CDCP1: variants seen among roughly 807,000 people sequenced by gnomAD.
The protein encoded by CDCP1 is CUB domain-containing protein 1.
A neutral mutation model predicts 60.2 loss-of-function variants in CDCP1; 29 were observed. The observed-to-expected ratio is 0.48, with a 90% CI of 0.36 to 0.66. CDCP1 has a LOEUF of 0.66. Among genes scored for constraint, CDCP1 ranks in the 30% least tolerant of loss-of-function variants. The pLI is 0.00. For synonymous variants in CDCP1, 387 were observed against 431.1 expected, an observed-to-expected ratio of 0.90 and a Z score of 1.27; for missense variants, 876 against 1,074.3, an observed-to-expected ratio of 0.82 and a Z score of 2.58.
intron 1 of CDCP1, among the ~76,000 whole-genome samples, chr3:45,126,123 T>C (rs866747714): frequency 6.6e-5 from 8 of 122,130 alleles, no homozygotes; most frequent in African/African-American, 2.8e-4. Context: ...TCTTTCTTTC[T>C]TTCTTTCTTT....
At chr3:45,129,346 C>T (rs1270244189) in intron 1 of CDCP1, among the ~76,000 whole-genome samples, 3 of 152,138 alleles carry the variant, frequency 2.0e-5, no homozygotes, top group Non-Finnish European at 4.4e-5. Context: ...TGAATCACAC[C>T]GTATCGGTGA....
At chr3:45,116,170 C>T (rs1215163156) in intron 2 of CDCP1, among the ~76,000 whole-genome samples, 1 of 149,050 alleles carries the variant, frequency 6.7e-6, no homozygotes, top group Non-Finnish European at 1.5e-5. Context: ...AAGAAAATAA[C>T]CTTCCATTCC....
intron 1 of CDCP1, among the ~76,000 whole-genome samples, chr3:45,126,166 CTTT>C (rs1698991127): frequency 1.4e-5 from 2 of 144,410 alleles, no homozygotes; most frequent in South Asian, 4.5e-4. Flanking sequence ...TTCTTTCTTT[CTTT>C]CTTTCCTTCT....
chr3:45,086,655 C>T (rs774639883), intron 8 of CDCP1, among the ~76,000 whole-genome samples: 3 of 152,212 alleles, frequency 2.0e-5, no homozygotes, highest in Non-Finnish European at 4.4e-5. Flanking sequence ...CCCAGTGCCT[C>T]AGTAGTCACC....
intron 1 of CDCP1, among the ~76,000 whole-genome samples, chr3:45,135,330 C>T (rs1699175464): frequency 6.6e-6 from 1 of 151,616 alleles, no homozygotes; most frequent in South Asian, 2.1e-4. Context: ...GATGGTTCTT[C>T]CTGAAAGGGA....
At chr3:45,097,952 TC>T (rs1698429657) in intron 4 of CDCP1, among the ~76,000 whole-genome samples, 1 of 152,186 alleles carries the variant, frequency 6.6e-6, no homozygotes, top group South Asian at 2.1e-4. Flanking sequence ...AGCTTTTCAA[TC>T]ACCTGGCCCC....
intron 1 of CDCP1, among the ~76,000 whole-genome samples, chr3:45,132,100 G>T (rs996628622): frequency 6.6e-6 from 1 of 152,100 alleles, no homozygotes; most frequent in Admixed American, 6.6e-5. Context: ...AGCAGGCGTG[G>T]TGGCACATGC....
intron 4 of CDCP1, among the ~76,000 whole-genome samples, chr3:45,102,763 C>T (rs752781327): frequency 3.9e-5 from 6 of 152,114 alleles, no homozygotes; most frequent in African/African-American, 7.2e-5. Flanking sequence ...TGGCCTCAAG[C>T]GATTCTCCCA....
chr3:45,097,217 GA>G (rs1179407417), intron 4 of CDCP1, among the ~76,000 whole-genome samples: 4 of 151,688 alleles, frequency 2.6e-5, no homozygotes, highest in Middle Eastern at 3.4e-3. Context: ...TGAGGCACGA[GA>G]ATCGGTTGAA....
intron 1 of CDCP1, among the ~76,000 whole-genome samples, chr3:45,144,948 C>T (rs1429249979): frequency 1.3e-5 from 2 of 152,002 alleles, no homozygotes; most frequent in African/African-American, 4.8e-5. Context: ...AGCTCGAGAC[C>T]AGCCTGGGCA....
At chr3:45,125,658 C>G (rs1698965407) in intron 1 of CDCP1, among the ~76,000 whole-genome samples, 1 of 152,192 alleles carries the variant, frequency 6.6e-6, no homozygotes, top group South Asian at 2.1e-4. Context: ...ACTATAGCAG[C>G]AGTTTGGCTC....
In CDCP1 at chr3:45,118,445, T is replaced by A; in HGVS notation, c.259A>T (p.Asn87Tyr). Residue 87 changes from asparagine to tyrosine, a missense_variant, in exon 2 of 9, where the codon AAT (asparagine) becomes TAT (tyrosine). Transcript: ENST00000296129. ...TTCTGGATCTCTATGACAAAGTGAT[T>A]CTCAGGACTCTGGCAGCTAAAGGTA... ...VFTFSCQSPE[N>Y]HFVIEIQKNI... 6.2e-7 allele frequency: 1 copy of A among 1,614,084 alleles called. No individual in the cohort carries two copies. Among genetic ancestry groups the A allele is most frequent in the Non-Finnish European group, 8.5e-7 (1 of 1,179,936 alleles).
rs1389504816 is a variant in CDCP1, at chr3:45,091,734, T to C, written c.1628-196A>G. Among the ~76,000 whole-genome samples, 1 of 152,236 alleles carries C rather than the reference T, an allele frequency of 6.6e-6. No individual in the cohort carries two copies. Among genetic ancestry groups the C allele is most frequent in the African/African-American group, 2.4e-5 (1 of 41,464 alleles). ...GCTATATGTCTGCTGAGCCTTGAAA[T>C]GTGCCCAGCATGACCAAAGAACTGC... On this transcript the variant is annotated intron_variant, in intron 6 of 8. Coordinates refer to ENST00000296129, the MANE Select transcript of CDCP1 (RefSeq NM_022842.5). This position sits in a 1 kb window ranked among gnomAD's most constrained non-coding sequence, Gnocchi z 4.8.
chr3:45,108,106 C>A (rs1226059013), intron 4 of CDCP1, among the ~76,000 whole-genome samples: 1 of 150,762 alleles, frequency 6.6e-6, no homozygotes, highest in Non-Finnish European at 1.5e-5. Context: ...GCCTGGGTGA[C>A]AGAGCAAGAC....
rs149964224 is a variant in CDCP1, at chr3:45,139,050, C to T, written c.82+7156G>A. Among the ~76,000 whole-genome samples, 795 of 152,102 alleles carry T rather than the reference C, an allele frequency of 5.2e-3. 2 individuals are homozygous for T. Among genetic ancestry groups the T allele is most frequent in the Middle Eastern group, 0.01 (3 of 294 alleles). On this transcript the variant is annotated intron_variant, in intron 1 of 8. Transcript: ENST00000296129. ...AAGAAGCAAGGGCAGGGGGTTCTTGCTGGGCTCTTTTTAACAACCAGCTCT... is the reference window on the plus strand; with the variant it reads ...AAGAAGCAAGGGCAGGGGGTTCTTGTTGGGCTCTTTTTAACAACCAGCTCT...
In CDCP1 at chr3:45,096,623, C is replaced by CAAAAA. The variant is rs5848726; in HGVS notation, c.1025-1060_1025-1056dup. On this transcript the variant is annotated intron_variant, in intron 4 of 8. Coordinates refer to ENST00000296129, the MANE Select transcript of CDCP1 (RefSeq NM_022842.5). ...CTAGTGACAGAGCAAGACTCCGTCT[C>CAAAAA]AAAAAAAAAAAAAAAAAAAAAAAAG... is the stretch of plus-strand genomic sequence containing the variant. 4.8e-3 allele frequency among the ~76,000 whole-genome samples: 255 copies of CAAAAA among 53,166 alleles called. 29 individuals are homozygous for CAAAAA. Among genetic ancestry groups the CAAAAA allele is most frequent in the South Asian group, 0.025 (18 of 722 alleles). The allele number at this position is 53,166 out of a possible 152,430, so 34.9% of individuals were successfully genotyped here. A position where few individuals can be genotyped will look rare whatever the true frequency, so the allele number is the denominator to read the frequency against.
chr3:45,110,520 A>G lies in CDCP1; in HGVS notation c.977T>C (p.Leu326Pro). 1 of 1,614,212 alleles carries G rather than the reference A, an allele frequency of 6.2e-7. No homozygotes were observed. The highest frequency in any genetic ancestry group is 8.5e-7 in the Non-Finnish European group (1 of 1,180,018). ...GACCAAAACTTGGAACTGCAGCCGG[A>G]GGATCCCTGGACTTTGGGCATCTTG... ...CDQDAQSPGILRLQFQVLVQH... is the reference protein window; with the variant it reads ...CDQDAQSPGIPRLQFQVLVQH... Residue 326 changes from leucine (L) to proline (P), a missense_variant, in exon 4 of 9, where the codon CTC becomes CCC. Transcript: ENST00000296129.
chr3:45,128,312 G>A (rs910393622), intron 1 of CDCP1, among the ~76,000 whole-genome samples: 11 of 152,232 alleles, frequency 7.2e-5, no homozygotes, highest in Admixed American at 6.5e-4. Context: ...AAATGTTGAT[G>A]AAGGCCGACT....
chr3:45,107,015 G>A (rs1266435210), intron 4 of CDCP1, among the ~76,000 whole-genome samples: 1 of 152,100 alleles, frequency 6.6e-6, no homozygotes. Flanking sequence ...CTCCTGCACA[G>A]CCTGAGAAGG....
Sources: allele counts gnomAD v4.1 joint callset (sites outside exome capture counted in the v4.1 genomes callset), GRCh38; gene constraint gnomAD v4.1.1; non-coding constraint Gnocchi (gnomAD v3.1); transcripts MANE v1.5; gene names NCBI Gene and HGNC (gene_info 2026-07-23, HGNC 2026-07-21).